The following TTC27 variants were observed in gnomAD, a reference collection of about 807,000 sequenced individuals.
The protein encoded by TTC27 is tetratricopeptide repeat protein 27.
TTC27 carries 79 observed loss-of-function variants against 115.9 expected under a neutral mutation model. That is an observed-to-expected ratio of 0.68 (90% CI 0.57 to 0.82). TTC27 has a LOEUF of 0.82. TTC27 is among the 40% of genes least tolerant of loss of function. The probability of loss-of-function intolerance (pLI) is 0.00; values close to 1 mark genes in which losing one functional copy is unlikely to be tolerated. For missense variants in TTC27, 1,054 were observed against 993.1 expected, an observed-to-expected ratio of 1.06 and a Z score of -0.82; for synonymous variants, 401 against 356.0, an observed-to-expected ratio of 1.13 and a Z score of -1.42.
chr2:32,797,401 C>T (rs1572623213), intron 16 of TTC27, among the ~76,000 whole-genome samples: 2 of 152,094 alleles, frequency 1.3e-5, no homozygotes, highest in East Asian at 1.9e-4. Context: ...TGATCTCCAT[C>T]CCCTGGGCTC....
intron 12 of TTC27, among the ~76,000 whole-genome samples, chr2:32,753,125 C>T (rs1441570241): frequency 6.6e-6 from 1 of 152,136 alleles, no homozygotes; most frequent in East Asian, 1.9e-4. Context: ...TTCATCTAAT[C>T]TCAGGGCCTG....
At position 32,639,780 on chromosome 2, in the gene TTC27, A is replaced by T. The variant is rs560214080; in HGVS notation, c.397-490A>T. On this transcript the variant is annotated intron_variant, in intron 3 of 19. Transcript: ENST00000317907. Reference sequence around the variant, plus strand: ...GCACTTTGGGAGACCAAGGCAGGGGATCACTTAAGGTCAGGAATTCGAGAC... The same window carrying T: ...GCACTTTGGGAGACCAAGGCAGGGGTTCACTTAAGGTCAGGAATTCGAGAC... Among the ~76,000 whole-genome samples the T allele has an allele frequency of 3.9e-5, 6 of 152,234 alleles. No homozygotes were observed. The South Asian group carries it at 8.3e-4, about 21-fold the overall frequency.
intron 10 of TTC27, among the ~76,000 whole-genome samples, chr2:32,721,878 A>G (rs1215027561): frequency 6.6e-6 from 1 of 152,078 alleles, no homozygotes; most frequent in African/African-American, 2.4e-5. Flanking sequence ...CCAACTTCCC[A>G]AAGCACTGGG....
chr2:32,700,987 TTTAAG>T (rs1268134045), intron 9 of TTC27, among the ~76,000 whole-genome samples: 2 of 152,228 alleles, frequency 1.3e-5, no homozygotes, highest in Non-Finnish European at 2.9e-5. Context: ...TTTTTGTAGA[TTTAAG>T]TTAATGGAGG....
chr2:32,671,503 A>G (rs1297927336), intron 7 of TTC27, among the ~76,000 whole-genome samples: 1 of 152,190 alleles, frequency 6.6e-6, no homozygotes, highest in African/African-American at 2.4e-5. Flanking sequence ...TTGAAAATCA[A>G]TCCATCATAT....
intron 5 of TTC27, among the ~76,000 whole-genome samples, chr2:32,662,770 A>G (rs568240649): frequency 3.4e-4 from 51 of 151,364 alleles, no homozygotes; most frequent in African/African-American, 1.1e-3. Context: ...TTGTGTCTCT[A>G]TCTCCTTCAG....
intron 10 of TTC27, among the ~76,000 whole-genome samples, chr2:32,709,632 A>T (rs1667508044): frequency 6.6e-6 from 1 of 152,180 alleles, no homozygotes; most frequent in African/African-American, 2.4e-5. Context: ...CCTTGGGCTG[A>T]AATGGCTGGA....
intron 16 of TTC27, among the ~76,000 whole-genome samples, chr2:32,795,104 A>G (rs1670652840): frequency 6.7e-6 from 1 of 150,198 alleles, no homozygotes; most frequent in Non-Finnish European, 1.5e-5. Context: ...CATTACCCTG[A>G]TACCAAAGCC....
intron 13 of TTC27, among the ~76,000 whole-genome samples, chr2:32,771,039 G>A (rs904986830): frequency 3.3e-5 from 5 of 152,196 alleles, no homozygotes; most frequent in African/African-American, 1.2e-4. Flanking sequence ...TGAGTACTGT[G>A]ATAACATCTG....
intron 8 of TTC27, among the ~76,000 whole-genome samples, chr2:32,673,620 C>G (rs1306324810): frequency 6.6e-6 from 1 of 152,226 alleles, no homozygotes; most frequent in Non-Finnish European, 1.5e-5. Flanking sequence ...GTTTGCCCCA[C>G]TACTGGTGAT....
chr2:32,709,655 C>T (rs150884419), intron 10 of TTC27, among the ~76,000 whole-genome samples: 1,936 of 152,308 alleles, frequency 0.013, 37 homozygotes, highest in African/African-American at 0.045. Flanking sequence ...TGTCCTCTGC[C>T]TTCTCTTCCC....
chr2:32,651,952 G>A (rs1008971312), intron 5 of TTC27, among the ~76,000 whole-genome samples: 1 of 152,140 alleles, frequency 6.6e-6, no homozygotes, highest in Non-Finnish European at 1.5e-5. Flanking sequence ...AAGCCTGGGG[G>A]TCTAGCAGGG....
At chr2:32,785,747 C>A (rs547125230) in intron 15 of TTC27, among the ~76,000 whole-genome samples, 1 of 152,272 alleles carries the variant, frequency 6.6e-6, no homozygotes, top group South Asian at 2.1e-4. Context: ...AGGCATGTGC[C>A]ACTATGTCCA....
intron 10 of TTC27, 70 bp downstream of exon 10, chr2:32,702,990 G>A: frequency 1.9e-6 from 2 of 1,049,898 alleles, no homozygotes; most frequent in Admixed American, 1.9e-5. Flanking sequence ...ATACATGTTT[G>A]CTATGAATGA....
chr2:32,758,624 T>G (rs1669327836), intron 13 of TTC27, 105 bp downstream of exon 13: 2 of 1,078,136 alleles, frequency 1.9e-6, no homozygotes, highest in Non-Finnish European at 1.3e-6. Flanking sequence ...CTGGTGAGTT[T>G]GTTTTTGACA....
intron 10 of TTC27, among the ~76,000 whole-genome samples, chr2:32,724,318 C>T (rs1036850513): frequency 6.6e-6 from 1 of 152,056 alleles, no homozygotes; most frequent in Non-Finnish European, 1.5e-5. Context: ...ATAATAAGGG[C>T]AGTGAGATAT....
At chr2:32,644,102 AC>A (rs1391300335) in intron 4 of TTC27, among the ~76,000 whole-genome samples, 2 of 148,548 alleles carry the variant, frequency 1.3e-5, no homozygotes, top group African/African-American at 5.0e-5. Context: ...AATTGCTTGA[AC>A]CCAGGAGGCA....
rs570278445 is a variant in TTC27, at chr2:32,796,910, T to C, written c.1998+9761T>C. On this transcript the variant is annotated intron_variant, in intron 16 of 19. Coordinates refer to ENST00000317907, the MANE Select transcript of TTC27 (RefSeq NM_017735.5). ...TGTCTCGGCTGGGCACGGTGGCTCA[T>C]GCCTGTAATCCCAGCACTTTGGGAG... Among the ~76,000 whole-genome samples, 26 of 151,940 alleles carry C rather than the reference T, an allele frequency of 1.7e-4. 1 individual carries two copies. The highest frequency in any genetic ancestry group is 3.3e-4 in the Admixed American group (5 of 15,260).
intron 9 of TTC27, among the ~76,000 whole-genome samples, chr2:32,690,596 A>T (rs949853948): frequency 1.3e-5 from 2 of 152,194 alleles, no homozygotes; most frequent in African/African-American, 4.8e-5. Context: ...GTTTAGATGG[A>T]GTGATATAGC....
Sources: gnomAD v4.1 joint callset for allele counts (sites outside exome capture counted in the v4.1 genomes callset) on GRCh38, gnomAD v4.1.1 for gene constraint, MANE v1.5 for transcripts, NCBI Gene and HGNC (gene_info 2026-07-23, HGNC 2026-07-21) for gene names.